The following PDZD2 variants were observed in gnomAD, a reference collection of about 807,000 sequenced individuals.
The protein encoded by PDZD2 is PDZ domain-containing protein 2.
PDZD2 carries 90 observed loss-of-function variants against 220.7 expected under a neutral mutation model. The ratio of observed to expected loss-of-function variants is 0.41; its 90% CI spans 0.34 to 0.49. The LOEUF is 0.49. PDZD2 is among the 20% of genes least tolerant of loss of function. The probability of loss-of-function intolerance (pLI) is 0.28; values close to 1 mark genes in which losing one functional copy is unlikely to be tolerated. For synonymous variants in PDZD2, 1,375 were observed against 1,450.5 expected, an observed-to-expected ratio of 0.95 and a Z score of 1.18; for missense variants, 3,174 against 3,608.5, an observed-to-expected ratio of 0.88 and a Z score of 3.08.
intron 1 of PDZD2, among the ~76,000 whole-genome samples, chr5:31,718,550 C>T (rs1044092681): frequency 4.6e-5 from 7 of 152,166 alleles, no homozygotes; most frequent in Non-Finnish European, 8.8e-5. Flanking sequence ...CTTCTGAGGC[C>T]TGTTTCCTTG....
intron 2 of PDZD2, among the ~76,000 whole-genome samples, chr5:31,921,720 A>T (rs1279864337): frequency 4.2e-4 from 64 of 152,080 alleles, no homozygotes; most frequent in Admixed American, 4.2e-3. Context: ...GAAGCTCTTG[A>T]GCCGAATATC....
chr5:31,930,212 TTTTTTTTTTTTTG>T (rs1430947725), intron 2 of PDZD2, among the ~76,000 whole-genome samples: 15 of 67,758 alleles, frequency 2.2e-4, no homozygotes, highest in East Asian at 5.0e-4. Flanking sequence ...TTTTTTTTTT[TTTTTTTTTTTTTG>T]GAGACAGTCT....
intron 6 of PDZD2, among the ~76,000 whole-genome samples, chr5:32,033,621 CTCTTTT>C (rs1755291464): frequency 8.9e-6 from 1 of 111,974 alleles, no homozygotes; most frequent in African/African-American, 2.7e-5. Flanking sequence ...TACACCATCT[CTCTTTT>C]TTTTTTTTTT....
At chr5:32,079,435 G>A (rs750158066) in intron 19 of PDZD2, among the ~76,000 whole-genome samples, 9 of 151,902 alleles carry the variant, frequency 5.9e-5, no homozygotes, top group South Asian at 2.1e-4. Flanking sequence ...CTGTCTCAGC[G>A]CCTGCCTTCT....
In PDZD2 at chr5:31,708,149, C is replaced by T. The variant is rs568670786; in HGVS notation, c.-361+68712C>T. Among the ~76,000 whole-genome samples the T allele has an allele frequency of 4.6e-5, 7 of 151,212 alleles. No individual in the cohort carries two copies. The East Asian group carries it at 5.8e-4, about 12-fold the overall frequency. On this transcript the variant is annotated intron_variant, in intron 1 of 24. Coordinates refer to ENST00000438447, the MANE Select transcript of PDZD2 (RefSeq NM_178140.4). ...TCCAGTCTCTTCAATTTTGGTCTGG[C>T]GTTTTCACTGTATCTTTTGCAGCCT...
chr5:31,821,441 C>T (rs756660849), intron 2 of PDZD2, among the ~76,000 whole-genome samples: 42 of 151,312 alleles, frequency 2.8e-4, no homozygotes, highest in Non-Finnish European at 4.9e-4. Flanking sequence ...AGTGCAATGG[C>T]GCGATCTTGG....
At chr5:31,643,045 A>G (rs1328640510) in intron 1 of PDZD2, among the ~76,000 whole-genome samples, 1 of 152,192 alleles carries the variant, frequency 6.6e-6, no homozygotes, top group Non-Finnish European at 1.5e-5. Context: ...TTGCTCATGT[A>G]TAAAATTGAT....
chr5:31,940,620 G>A (rs1218301119), intron 2 of PDZD2, among the ~76,000 whole-genome samples: 2 of 152,140 alleles, frequency 1.3e-5, no homozygotes, highest in Non-Finnish European at 2.9e-5. Context: ...TTGAGGTTTG[G>A]GGGTTGTCAG....
rs138899869 is a variant in PDZD2 at position 31,735,718 on chromosome 5, G to A, written c.-360-63171G>A. 2.6e-3 allele frequency among the ~76,000 whole-genome samples: 390 copies of A among 152,262 alleles called. 1 individual carries two copies. Among genetic ancestry groups the A allele is most frequent in the African/African-American group, 9.0e-3 (373 of 41,548 alleles). On this transcript the variant is annotated intron_variant, in intron 1 of 24. Coordinates refer to ENST00000438447, the MANE Select transcript of PDZD2 (RefSeq NM_178140.4). ...TCCCAGCACATTGGGAGGCCAAGGC[G>A]GGCAGATCACGAGGTCAAGAGATCG...
intron 1 of PDZD2, among the ~76,000 whole-genome samples, chr5:31,749,616 G>A (rs998553107): frequency 3.3e-5 from 5 of 152,098 alleles, no homozygotes; most frequent in East Asian, 1.9e-4. Flanking sequence ...TAGAGACAGC[G>A]TTTCACCATG....
chr5:31,935,777 G>C (rs1212381993), intron 2 of PDZD2, among the ~76,000 whole-genome samples: 2 of 152,170 alleles, frequency 1.3e-5, no homozygotes, highest in Non-Finnish European at 2.9e-5. Flanking sequence ...CATTTTGATA[G>C]TATTTTGGTT....
intron 24 of PDZD2, among the ~76,000 whole-genome samples, chr5:32,105,348 A>T (rs1407595474): frequency 6.6e-6 from 1 of 152,222 alleles, no homozygotes; most frequent in Non-Finnish European, 1.5e-5. Flanking sequence ...CTTTTAATCT[A>T]TCAAGTTGGC....
At chr5:31,685,934 C>T (rs138594146) in intron 1 of PDZD2, among the ~76,000 whole-genome samples, 3,244 of 152,130 alleles carry the variant, frequency 0.021, 107 homozygotes, top group African/African-American at 0.075. Flanking sequence ...GGTGCAGTGG[C>T]TCACACCTGT....
intron 7 of PDZD2, among the ~76,000 whole-genome samples, chr5:32,048,153 AC>A (rs1332298452): frequency 1.3e-5 from 2 of 152,234 alleles, no homozygotes; most frequent in Non-Finnish European, 2.9e-5. Context: ...TGGAAAAAAA[AC>A]ATCTGCACCA....
In PDZD2 at chr5:31,724,960, T is replaced by C. The variant is rs1227776511; in HGVS notation, c.-360-73929T>C. Among the ~76,000 whole-genome samples, 7 of 152,306 alleles carry C rather than the reference T, an allele frequency of 4.6e-5. No homozygotes were observed. The East Asian group carries it at 1.4e-3, about 29-fold the overall frequency. ...CACCAAATACTTCAAGCATAAAACA[T>C]GAGAATTTTTATAGAAATATACAGA... is the stretch of plus-strand genomic sequence containing the variant. On this transcript the variant is annotated intron_variant, in intron 1 of 24. Coordinates refer to ENST00000438447, the MANE Select transcript of PDZD2 (RefSeq NM_178140.4).
chr5:31,799,843 G>A (rs1754286243), intron 2 of PDZD2, 119 bp downstream of exon 2: 3 of 698,744 alleles, frequency 4.3e-6, no homozygotes, highest in Non-Finnish European at 7.6e-6. Context: ...CATAAGAAAT[G>A]TCTCATTTAA....
chr5:31,963,742 T>A (rs1342935186), intron 2 of PDZD2, among the ~76,000 whole-genome samples: 1 of 152,126 alleles, frequency 6.6e-6, no homozygotes, highest in Admixed American at 6.5e-5. Context: ...GAGTCCAACA[T>A]TGGTCTGTAT....
intron 1 of PDZD2, among the ~76,000 whole-genome samples, chr5:31,680,467 G>T (rs1365851847): frequency 6.6e-6 from 1 of 152,114 alleles, no homozygotes; most frequent in Non-Finnish European, 1.5e-5. Context: ...CTGGCTGTGG[G>T]ATTCAGCCTC....
At chr5:31,757,814 C>G (rs1271415776) in intron 1 of PDZD2, among the ~76,000 whole-genome samples, 1 of 152,214 alleles carries the variant, frequency 6.6e-6, no homozygotes, top group Non-Finnish European at 1.5e-5. Flanking sequence ...CATTTGCCAC[C>G]TGTGAGGTCA....
Sources: gnomAD v4.1 joint callset for allele counts (sites outside exome capture counted in the v4.1 genomes callset) on GRCh38, gnomAD v4.1.1 for gene constraint, MANE v1.5 for transcripts, NCBI Gene and HGNC (gene_info 2026-07-23, HGNC 2026-07-21) for gene names.